The following ALPK2 variants were observed in gnomAD, a reference collection of about 807,000 sequenced individuals.
The protein encoded by ALPK2 is alpha kinase 2.
Under a neutral mutation model 163.1 loss-of-function variants are expected in ALPK2, and 127 were observed. That is an observed-to-expected ratio of 0.78 (90% CI 0.67 to 0.90). ALPK2 has a LOEUF of 0.90. Among genes scored for constraint, ALPK2 ranks in the 40% least tolerant of loss-of-function variants. The pLI, the probability that ALPK2 is intolerant of heterozygous loss-of-function variation, is 0.00. For synonymous variants in ALPK2, 953 were observed against 959.1 expected (o/e 0.99, Z 0.12); for missense variants, 2,360 against 2,589.6 (o/e 0.91, Z 1.92).
chr18:58,521,547 G>T (rs540433087), intron 8 of ALPK2, among the ~76,000 whole-genome samples: 5 of 151,096 alleles, frequency 3.3e-5, no homozygotes, highest in Admixed American at 6.6e-5. Flanking sequence ...GGTTTGTGAA[G>T]AGCTTGTATT....
intron 12 of ALPK2, among the ~76,000 whole-genome samples, chr18:58,486,556 T>C (rs2051340019): frequency 6.6e-6 from 1 of 152,188 alleles, no homozygotes; most frequent in Non-Finnish European, 1.5e-5. Flanking sequence ...AGCTCCATGC[T>C]CAGCACTACC....
At chr18:58,607,296 C>T in intron 3 of ALPK2, 26 bp downstream of exon 3, 8 of 1,492,326 alleles carry the variant, frequency 5.4e-6, no homozygotes, top group Non-Finnish European at 7.4e-6. Flanking sequence ...TATTAGTAAA[C>T]AGTCCACAGG....
intron 10 of ALPK2, chr18:58,511,674 A>G (rs1182911405): frequency 6.6e-6 from 1 of 152,268 alleles, no homozygotes; most frequent in African/African-American, 2.4e-5. Flanking sequence ...AATAGAATTT[A>G]AAAGCTATAA....
chr18:58,627,252 G>A (rs1455697532), intron 1 of ALPK2, among the ~76,000 whole-genome samples: 2 of 152,174 alleles, frequency 1.3e-5, no homozygotes, highest in Non-Finnish European at 2.9e-5. Flanking sequence ...AAACTTTGTA[G>A]GTAATGACAA....
At chr18:58,606,371 C>T (rs1202392288) in intron 3 of ALPK2, among the ~76,000 whole-genome samples, 2 of 152,216 alleles carry the variant, frequency 1.3e-5, no homozygotes, top group African/African-American at 2.4e-5. Flanking sequence ...TGAGCCACCA[C>T]CATGCTCAGC....
chr18:58,486,866 C>G (rs1238971698), intron 12 of ALPK2, among the ~76,000 whole-genome samples: 1 of 152,136 alleles, frequency 6.6e-6, no homozygotes, highest in Non-Finnish European at 1.5e-5. Flanking sequence ...ATTGATTATC[C>G]CAGATTCATT....
intron 4 of ALPK2, among the ~76,000 whole-genome samples, chr18:58,569,269 G>C (rs1455851705): frequency 6.6e-6 from 1 of 152,152 alleles, no homozygotes; most frequent in Non-Finnish European, 1.5e-5. Flanking sequence ...GAAGTATAGA[G>C]AATCACCTGG....
intron 3 of ALPK2, among the ~76,000 whole-genome samples, chr18:58,606,412 G>T (rs2052097900): frequency 6.6e-6 from 1 of 152,188 alleles, no homozygotes; most frequent in African/African-American, 2.4e-5. Flanking sequence ...CTAGATAGGA[G>T]ATAAGAAAGC....
At chr18:58,541,450 C>T (rs931243084) in intron 4 of ALPK2, among the ~76,000 whole-genome samples, 7 of 152,246 alleles carry the variant, frequency 4.6e-5, no homozygotes, top group African/African-American at 1.7e-4. Context: ...GGGATTACAT[C>T]TCAGTGCAAG....
intron 3 of ALPK2, among the ~76,000 whole-genome samples, chr18:58,581,380 A>C (rs1460256288): frequency 6.6e-6 from 1 of 152,240 alleles, no homozygotes; most frequent in Non-Finnish European, 1.5e-5. Flanking sequence ...AATGTGACTA[A>C]AAGTCTAAAC....
rs139158112 is a variant in ALPK2 at position 58,537,711 on chromosome 18, G to C, written c.2476C>G (p.Pro826Ala). Residue 826 changes from proline (P) to alanine (A), a missense_variant, in exon 5 of 13, where the codon CCA becomes GCA. Transcript: ENST00000361673. ...FDTIDSLVGR[P>A]VDKYSPQEIC... ...TCTTGAGGCGAATATTTATCAACTG[G>C]TCTCCCAACAAGAGAATCTATGGTA... 6.2e-7 allele frequency: 1 copy of C among 1,614,080 alleles called. No individual in the cohort carries two copies. Among genetic ancestry groups the C allele is most frequent in the South Asian group, 1.1e-5 (1 of 91,074 alleles).
intron 4 of ALPK2, among the ~76,000 whole-genome samples, chr18:58,557,688 G>A (rs201081891): frequency 0.12 from 3,962 of 31,848 alleles, 140 homozygotes; most frequent in South Asian, 0.34. Flanking sequence ...GTGTGTGTGT[G>A]TATATATATA....
Position 58,537,211 on chromosome 18 carries a change from T to A in ALPK2, c.2976A>T (p.Leu992Phe), listed in dbSNP as rs770505904. The change falls in exon 5 of 13, where the codon TTA becomes TTT. Residue 992 changes from leucine to phenylalanine, a missense_variant. Transcript: ENST00000361673. ...VSFPWEKPTT[L>F]TANNECFQAT... ...CTTGAAAGCACTCATTATTAGCAGT[T>A]AATGTTGTTGGCTTCTCCCAAGGAA... 1.5e-5 allele frequency: 25 copies of A among 1,614,074 alleles called. No homozygotes were observed. Among genetic ancestry groups the A allele is most frequent in the Non-Finnish European group, 2.0e-5 (24 of 1,180,008 alleles).
chr18:58,620,893 C>G (rs1215851293), intron 1 of ALPK2, among the ~76,000 whole-genome samples: 1 of 152,062 alleles, frequency 6.6e-6, no homozygotes, highest in East Asian at 1.9e-4. Context: ...CGGTGGCTCC[C>G]GTGTGTAATC....
At chr18:58,577,709 A>G (rs146371916) in intron 4 of ALPK2, among the ~76,000 whole-genome samples, 56 of 152,300 alleles carry the variant, frequency 3.7e-4, no homozygotes, top group African/African-American at 1.3e-3. Context: ...GAACAGAACA[A>G]TTTGCTCAAT....
intron 6 of ALPK2, among the ~76,000 whole-genome samples, chr18:58,524,553 G>C (rs146008801): frequency 6.6e-6 from 1 of 152,132 alleles, no homozygotes; most frequent in South Asian, 2.1e-4. Flanking sequence ...ACCAACCATC[G>C]AACCATTCAC....
intron 9 of ALPK2, among the ~76,000 whole-genome samples, chr18:58,516,273 T>C (rs1328626099): frequency 6.6e-6 from 1 of 150,736 alleles, no homozygotes; most frequent in Non-Finnish European, 1.5e-5. Flanking sequence ...AATATGTGGA[T>C]AGGAGGAGGA....
At chr18:58,626,395 C>G (rs2052230880) in intron 1 of ALPK2, among the ~76,000 whole-genome samples, 1 of 152,184 alleles carries the variant, frequency 6.6e-6, no homozygotes, top group Admixed American at 6.5e-5. Context: ...AAAGCTACTG[C>G]CCCTGCTCTG....
chr18:58,557,512 TG>T (rs1176783076), intron 4 of ALPK2, among the ~76,000 whole-genome samples: 1 of 149,362 alleles, frequency 6.7e-6, no homozygotes, highest in African/African-American at 2.5e-5. Flanking sequence ...TGTGCATTTG[TG>T]GGAGCAGGAC....
Sources: allele counts gnomAD v4.1 joint callset (sites outside exome capture counted in the v4.1 genomes callset), GRCh38; gene constraint gnomAD v4.1.1; transcripts MANE v1.5; gene names NCBI Gene and HGNC (gene_info 2026-07-23, HGNC 2026-07-21).